The following EYS variants were observed in gnomAD, a reference collection of about 807,000 sequenced individuals.
EYS encodes EGF-like photoreceptor maintenance factor, also known as protein eyes shut homolog.
EYS carries 250 observed loss-of-function variants against 282.1 expected under a neutral mutation model. The ratio of observed to expected loss-of-function variants is 0.89; its 90% CI spans 0.80 to 0.98. The LOEUF is 0.98. Ranked by LOEUF, EYS falls within the 50% of genes least tolerant of loss-of-function variation. EYS has a pLI of 0.00. For missense variants in EYS, 4,016 were observed against 3,709.0 expected, an observed-to-expected ratio of 1.08 and a Z score of -2.15; for synonymous variants, 1,355 against 1,282.9, an observed-to-expected ratio of 1.06 and a Z score of -1.20.
intron 31 of EYS, among the ~76,000 whole-genome samples, chr6:64,219,647 C>A (rs1766033597): frequency 6.6e-6 from 1 of 152,176 alleles, no homozygotes; most frequent in Non-Finnish European, 1.5e-5. Context: ...TACAGTCCCA[C>A]CAACAGTGTA....
intron 19 of EYS, among the ~76,000 whole-genome samples, chr6:64,823,111 A>G (rs34714059): frequency 0.061 from 9,214 of 152,024 alleles, 372 homozygotes; most frequent in African/African-American, 0.11. Flanking sequence ...AATGAATTAT[A>G]TCAAGTTGTC....
intron 22 of EYS, among the ~76,000 whole-genome samples, chr6:64,660,321 T>A (rs9342362): frequency 1.3e-3 from 179 of 139,762 alleles, no homozygotes; most frequent in African/African-American, 4.4e-3. Flanking sequence ...CTTTGAAAAC[T>A]GGCACAAGAC....
chr6:65,132,038 C>G (rs1388913463), intron 12 of EYS, among the ~76,000 whole-genome samples: 1 of 151,880 alleles, frequency 6.6e-6, no homozygotes, highest in Non-Finnish European at 1.5e-5. Context: ...ATTCCCTGAA[C>G]AGACCAATAA....
intron 12 of EYS, among the ~76,000 whole-genome samples, chr6:65,140,390 T>A (rs1206452210): frequency 6.6e-6 from 1 of 152,004 alleles, no homozygotes; most frequent in Admixed American, 6.6e-5. Context: ...TGTGGGACTA[T>A]AACAACAGTT....
chr6:64,438,995 G>T (rs1367194873), intron 27 of EYS, among the ~76,000 whole-genome samples, 167 bp downstream of exon 27: 2 of 151,504 alleles, frequency 1.3e-5, no homozygotes, highest in African/African-American at 4.8e-5. Context: ...GTTGTTGTTG[G>T]TTCATATATA....
intron 22 of EYS, among the ~76,000 whole-genome samples, chr6:64,773,422 A>G (rs757064348): frequency 1.3e-5 from 2 of 151,876 alleles, no homozygotes; most frequent in African/African-American, 2.4e-5. Flanking sequence ...CACCGTGAAT[A>G]TTGCTGCAAT....
chr6:63,931,111 T>G (rs1032017962), intron 35 of EYS, among the ~76,000 whole-genome samples: 1 of 152,192 alleles, frequency 6.6e-6, no homozygotes, highest in African/African-American at 2.4e-5. Flanking sequence ...TGAGATTAGC[T>G]TTTTCTTTTA....
At chr6:64,813,255 TATATATAAGGTAAA>T in intron 22 of EYS, 109 bp downstream of exon 22, 1 of 620,626 alleles carries the variant, frequency 1.6e-6, no homozygotes, top group Non-Finnish European at 2.7e-6. Flanking sequence ...TGTGCTTATA[TATATATAAGGTAAA>T]ATCTTACTTC....
intron 26 of EYS, among the ~76,000 whole-genome samples, chr6:64,537,732 TA>T (rs1032814562): frequency 6.6e-6 from 1 of 152,202 alleles, no homozygotes; most frequent in African/African-American, 2.4e-5. Context: ...TTTGTTATTT[TA>T]ACTTTCATTT....
At chr6:64,292,811 T>C (rs201395037) in intron 30 of EYS, among the ~76,000 whole-genome samples, 1 of 152,120 alleles carries the variant, frequency 6.6e-6, no homozygotes, top group African/African-American at 2.4e-5. Context: ...ATATATGCTA[T>C]GTATTTGGCC....
At chr6:64,468,983 T>C (rs1776023304) in intron 26 of EYS, among the ~76,000 whole-genome samples, 2 of 152,170 alleles carry the variant, frequency 1.3e-5, no homozygotes, top group African/African-American at 4.8e-5. Context: ...TGTGTCTTTT[T>C]GGTAGGATGA....
chr6:64,714,882 C>T (rs988103813), intron 22 of EYS, among the ~76,000 whole-genome samples: 1 of 152,122 alleles, frequency 6.6e-6, no homozygotes, highest in Non-Finnish European at 1.5e-5. Context: ...ACCCCCTCTA[C>T]CAGTTGCTAG....
At chr6:65,188,867 G>C (rs1350767571) in intron 12 of EYS, among the ~76,000 whole-genome samples, 1 of 151,360 alleles carries the variant, frequency 6.6e-6, no homozygotes, top group Admixed American at 6.6e-5. Flanking sequence ...GTTTCTTAGG[G>C]GCTTCAGAGG....
At chr6:64,429,717 T>A (rs1221010245) in intron 28 of EYS, among the ~76,000 whole-genome samples, 1 of 152,190 alleles carries the variant, frequency 6.6e-6, no homozygotes, top group Non-Finnish European at 1.5e-5. Flanking sequence ...AAGATCCTCT[T>A]TTCCCACGTT....
intron 5 of EYS, among the ~76,000 whole-genome samples, chr6:65,445,200 G>T (rs1015833676): frequency 3.3e-5 from 5 of 151,742 alleles, no homozygotes; most frequent in Non-Finnish European, 5.9e-5. Flanking sequence ...AAAGGTCTAG[G>T]TTCATCAATC....
chr6:64,530,659 G>GT (rs1232751713), intron 26 of EYS, among the ~76,000 whole-genome samples: 5 of 151,894 alleles, frequency 3.3e-5, no homozygotes, highest in African/African-American at 1.2e-4. Flanking sequence ...GTGTTTGGCT[G>GT]TTTTTTACCC....
rs567097422 is a variant in EYS at position 63,905,471 on chromosome 6, A to G, written c.7056-41113T>C. Among the ~76,000 whole-genome samples, 935 of 151,602 alleles carry G rather than the reference A, an allele frequency of 6.2e-3. 14 individuals carry two copies. The highest frequency in any genetic ancestry group is 0.022 in the African/African-American group (906 of 41,330). ...CAGCCTCCTGAGTAGCTGGGATTAC[A>G]GGCGCCCGCCACCACGCCCGGCTAA... is the stretch of plus-strand genomic sequence containing the variant. On this transcript the variant is annotated intron_variant, in intron 35 of 42. Coordinates refer to ENST00000503581, the MANE Select transcript of EYS (RefSeq NM_001142800.2).
At chr6:65,503,865 TG>T (rs1176750541) in intron 2 of EYS, among the ~76,000 whole-genome samples, 2 of 151,722 alleles carry the variant, frequency 1.3e-5, no homozygotes, top group Admixed American at 1.3e-4. Context: ...TGTTGCTTAA[TG>T]GTTAAGTGTT....
chr6:64,947,926 C>T (rs1217271240), intron 14 of EYS, among the ~76,000 whole-genome samples: 4 of 151,738 alleles, frequency 2.6e-5, no homozygotes, highest in Non-Finnish European at 5.9e-5. Context: ...CATAAGCACA[C>T]TGCTGATTTT....
Sources: gnomAD v4.1 joint callset for allele counts (sites outside exome capture counted in the v4.1 genomes callset) on GRCh38, gnomAD v4.1.1 for gene constraint, MANE v1.5 for transcripts, NCBI Gene and HGNC (gene_info 2026-07-23, HGNC 2026-07-21) for gene names.